Variants in RABGAP1 observed in about 807,000 individuals in gnomAD.
RABGAP1 encodes the protein RAB GTPase activating protein 1, also known as rab GTPase-activating protein 1.
Under a neutral mutation model 137.6 loss-of-function variants are expected in RABGAP1, and 23 were observed. The ratio of observed to expected loss-of-function variants is 0.17; its 90% CI spans 0.12 to 0.24. The LOEUF is 0.24. RABGAP1 is among the 10% of genes least tolerant of loss of function. The probability of loss-of-function intolerance (pLI) is 1.00; values close to 1 mark genes in which losing one functional copy is unlikely to be tolerated. For synonymous variants in RABGAP1, 451 were observed against 450.7 expected, an observed-to-expected ratio of 1.00 and a Z score of -0.01; for missense variants, 906 against 1,275.8, an observed-to-expected ratio of 0.71 and a Z score of 4.42.
chr9:122,956,856 A>G (rs1314630282), intron 1 of RABGAP1, among the ~76,000 whole-genome samples, 155 bp from the exon 2 acceptor site: 1 of 150,630 alleles, frequency 6.6e-6, no homozygotes, highest in East Asian at 1.9e-4. Context: ...TATCTGGAAT[A>G]AAAAAAAACC....
At chr9:123,015,670 A>C in intron 12 of RABGAP1, 34 bp downstream of exon 12, 1 of 1,459,820 alleles carries the variant, frequency 6.9e-7, no homozygotes, top group South Asian at 1.2e-5. Flanking sequence ...TTTTATCTGC[A>C]ATTTTCATTT....
chr9:123,034,419 A>C, intron 13 of RABGAP1: 1 of 636,772 alleles, frequency 1.6e-6, no homozygotes, highest in Non-Finnish European at 2.8e-6. Context: ...AATGCACCAG[A>C]GCAGCAGCAT....
intron 14 of RABGAP1, among the ~76,000 whole-genome samples, chr9:123,065,903 A>T (rs1409750521): frequency 6.6e-6 from 1 of 152,168 alleles, no homozygotes; most frequent in African/African-American, 2.4e-5. Context: ...GAAGATTCTG[A>T]TTTCTCTCAA....
intron 13 of RABGAP1, among the ~76,000 whole-genome samples, chr9:123,052,667 C>T (rs183707308): frequency 7.9e-4 from 121 of 152,292 alleles, no homozygotes; most frequent in African/African-American, 2.7e-3. Context: ...CGGTGGCCCA[C>T]GCCTGTAATC....
At position 123,104,806 on chromosome 9, in the gene RABGAP1, C is replaced by CTGTT. The variant is rs1394243176; in HGVS notation, c.*1595_*1598dup. On this transcript the variant is annotated 3_prime_UTR_variant, in exon 26 of 26. Transcript: ENST00000373647. ...AATATAAACCAGTAAAATTGTATTA[C>CTGTT]TGTTTCTTTTGTTGGTTTTATTTTA... 2.0e-5 allele frequency: 3 copies of CTGTT among 152,194 alleles called. No homozygotes were observed. The highest frequency in any genetic ancestry group is 6.5e-5 in the Admixed American group (1 of 15,280). The allele number at this position is 152,194 out of a possible 1,614,324, so 9.4% of individuals were successfully genotyped here.
the RABGAP1 span, among the ~76,000 whole-genome samples, chr9:122,934,385 T>G: frequency 2.0e-5 from 3 of 152,204 alleles, no homozygotes; most frequent in Non-Finnish European, 4.4e-5. Context: ...GCCTCTAACC[T>G]TTTATTTTCA....
At chr9:123,015,740 G>A in intron 12 of RABGAP1, 104 bp downstream of exon 12, 1 of 674,050 alleles carries the variant, frequency 1.5e-6, no homozygotes, top group Non-Finnish European at 2.5e-6. Flanking sequence ...AGAAACCTAA[G>A]CGCAATGTTT....
chr9:123,025,889 A>G (rs973014272), intron 13 of RABGAP1, among the ~76,000 whole-genome samples: 3 of 151,868 alleles, frequency 2.0e-5, no homozygotes, highest in Non-Finnish European at 4.4e-5. Flanking sequence ...TCGTCTTTAT[A>G]TTTTATAGAA....
At chr9:122,977,983 G>A (rs1237279203) in intron 2 of RABGAP1, among the ~76,000 whole-genome samples, 2 of 152,154 alleles carry the variant, frequency 1.3e-5, no homozygotes, top group African/African-American at 2.4e-5. Context: ...TGCATCTTTT[G>A]TGGAAATCAT....
chr9:123,022,997 A>G (rs979694885), intron 13 of RABGAP1, among the ~76,000 whole-genome samples: 19 of 152,242 alleles, frequency 1.2e-4, no homozygotes, highest in African/African-American at 4.6e-4. Context: ...TTACTTTTTT[A>G]AAAGTGCATA....
chr9:123,058,919 AGATACTCAG>A (rs2033856393), intron 13 of RABGAP1, among the ~76,000 whole-genome samples: 1 of 152,190 alleles, frequency 6.6e-6, no homozygotes, highest in Non-Finnish European at 1.5e-5. Flanking sequence ...AGCATGCCCC[AGATACTCAG>A]GATATTGCAG....
intron 13 of RABGAP1, among the ~76,000 whole-genome samples, chr9:123,020,684 T>A (rs942124686): frequency 2.6e-5 from 4 of 152,136 alleles, no homozygotes; most frequent in African/African-American, 9.7e-5. Flanking sequence ...TTCTAGCCCA[T>A]TGTATATCCA....
chr9:123,026,838 T>A (rs2031998072), intron 13 of RABGAP1, among the ~76,000 whole-genome samples: 1 of 152,236 alleles, frequency 6.6e-6, no homozygotes, highest in African/African-American at 2.4e-5. Context: ...GTGGCTTAGC[T>A]TCTTATAATT....
intron 5 of RABGAP1, chr9:122,989,844 A>G (rs1366896677): frequency 3.7e-6 from 2 of 544,610 alleles, no homozygotes; most frequent in African/African-American, 3.8e-5. Flanking sequence ...AATTGGATTT[A>G]TAGTGCTTAC....
At chr9:122,963,912 A>G (rs1249308830) in intron 2 of RABGAP1, among the ~76,000 whole-genome samples, 1 of 152,242 alleles carries the variant, frequency 6.6e-6, no homozygotes, top group East Asian at 1.9e-4. Flanking sequence ...CATAAATGAA[A>G]GGGAATAATA....
chr9:122,970,726 CA>C (rs1054652704), intron 2 of RABGAP1, among the ~76,000 whole-genome samples: 1 of 152,134 alleles, frequency 6.6e-6, no homozygotes. Context: ...CCCAAAACTC[CA>C]AAAGTCCCAG....
At chr9:122,942,252 A>G (rs1005569257) in intron 1 of RABGAP1, among the ~76,000 whole-genome samples, 8 of 152,186 alleles carry the variant, frequency 5.3e-5, no homozygotes, top group African/African-American at 1.9e-4. Context: ...AGTAGTTGGG[A>G]AAAAAAGCTT....
intron 19 of RABGAP1, among the ~76,000 whole-genome samples, chr9:123,077,439 A>G (rs2034550135): frequency 6.6e-6 from 1 of 152,166 alleles, no homozygotes; most frequent in African/African-American, 2.4e-5. Context: ...GGAGTGAGCC[A>G]CCACGCCTGG....
chr9:123,081,192 G>A (rs1331380903), intron 19 of RABGAP1, among the ~76,000 whole-genome samples: 1 of 152,186 alleles, frequency 6.6e-6, no homozygotes, highest in Non-Finnish European at 1.5e-5. Flanking sequence ...TACCTATAAT[G>A]TACAAAATAT....
Sources: gnomAD v4.1 joint callset for allele counts (sites outside exome capture counted in the v4.1 genomes callset) on GRCh38, gnomAD v4.1.1 for gene constraint, MANE v1.5 for transcripts, NCBI Gene and HGNC (gene_info 2026-07-23, HGNC 2026-07-21) for gene names.